The following DYSF variants were observed in gnomAD, a reference collection of about 807,000 sequenced individuals.
DYSF encodes dysferlin.
In DYSF, 212 loss-of-function variants were observed where a neutral mutation model predicts 274.9. The ratio of observed to expected loss-of-function variants is 0.77; its 90% confidence interval spans 0.69 to 0.86. The LOEUF is 0.86. Ranked by LOEUF, DYSF falls within the 40% of genes least tolerant of loss-of-function variation. The pLI, the probability that DYSF is intolerant of heterozygous loss-of-function variation, is 0.00. For missense variants in DYSF, 2,666 were observed against 2,783.2 expected (o/e 0.96, Z 0.95); for synonymous variants, 1,091 against 1,078.7 (o/e 1.01, Z -0.22).
chr2:71,584,885 C>T (rs2093014328), intron 30 of DYSF, among the ~76,000 whole-genome samples: 1 of 152,190 alleles, frequency 6.6e-6, no homozygotes, highest in African/African-American at 2.4e-5. Context: ...GACGACATCC[C>T]TGCATAAAGG....
intron 24 of DYSF, among the ~76,000 whole-genome samples, chr2:71,565,677 T>C (rs1175520671): frequency 6.6e-6 from 1 of 152,224 alleles, no homozygotes; most frequent in East Asian, 1.9e-4. Flanking sequence ...CAGGTTTCAG[T>C]AGCACAGAGG....
At position 71,681,177 on chromosome 2, in the gene DYSF, A is replaced by G. The variant is rs146292862; in HGVS notation, c.6173+67A>G. 435 of 1,438,800 alleles carry G rather than the reference A, an allele frequency of 3.0e-4. 1 individual carries two copies. In the African/African-American group the frequency reaches 4.8e-3, roughly 16 times the overall value. 89.1% of individuals were successfully genotyped at this position (1,438,800 alleles called of 1,614,324 possible). Reference sequence around the variant, plus strand: ...GGGTATAGGCCACAGTCCAGGAGGCATCCCATTGCATGGCCATGTAGAAGT... The same window carrying G: ...GGGTATAGGCCACAGTCCAGGAGGCGTCCCATTGCATGGCCATGTAGAAGT... On this transcript the variant is annotated intron_variant, in intron 54 of 55. Coordinates refer to ENST00000410020, the MANE Select transcript of DYSF (RefSeq NM_001130987.2).
intron 35 of DYSF, 22 bp from the exon 36 acceptor site, chr2:71,602,754 A>G (rs770757705): frequency 1.9e-6 from 3 of 1,612,222 alleles, no homozygotes; most frequent in African/African-American, 2.7e-5. Flanking sequence ...TGGATGTGCC[A>G]CATCCCATGG....
Position 71,454,096 on chromosome 2 carries a change from G to T in DYSF, c.88+10G>T. On this transcript the variant is annotated intron_variant, in intron 1 of 54. Coordinates refer to the DYSF transcript ENST00000258104. ...TCCGCGGTGTTTGCAGGTAGGAGGG[G>T]CCGACCACCCTCGCCCGGGGTCGGG... The T allele has an allele frequency of 1.2e-6, 2 of 1,613,102 alleles. No individual in the cohort carries two copies. The highest frequency in any genetic ancestry group is 1.7e-6 in the Non-Finnish European group (2 of 1,179,536).
At chr2:71,570,390 C>T (rs1454671405) in intron 28 of DYSF, 56 bp downstream of exon 28, 17 of 1,566,742 alleles carry the variant, frequency 1.1e-5, no homozygotes, top group Non-Finnish European at 1.4e-5. Flanking sequence ...TCAAGCCATG[C>T]TGGTGGGGAC....
chr2:71,494,190 A>G (rs1303290105), intron 3 of DYSF, among the ~76,000 whole-genome samples: 1 of 151,970 alleles, frequency 6.6e-6, no homozygotes, highest in African/African-American at 2.4e-5. Context: ...TAGCGACTCC[A>G]TTTTTATTCT....
upstream of DYSF, among the ~76,000 whole-genome samples, chr2:71,464,397 G>A (rs1170286864): frequency 6.6e-6 from 1 of 152,218 alleles, no homozygotes; most frequent in Non-Finnish European, 1.5e-5. Flanking sequence ...ACAGTGATTG[G>A]TGCTAGAGAA....
At chr2:71,640,342 A>G (rs1429084266) in intron 41 of DYSF, among the ~76,000 whole-genome samples, 1 of 152,226 alleles carries the variant, frequency 6.6e-6, no homozygotes, top group African/African-American at 2.4e-5. Context: ...AGAATAAATG[A>G]AAAATTCTAA....
At chr2:71,483,956 T>A (rs759813475) in intron 3 of DYSF, among the ~76,000 whole-genome samples, 61 of 151,840 alleles carry the variant, frequency 4.0e-4, no homozygotes, top group Non-Finnish European at 6.8e-4. Flanking sequence ...GGCAGGACAG[T>A]CTGGTTACTG....
intron 14 of DYSF, among the ~76,000 whole-genome samples, chr2:71,530,837 C>T: frequency 6.6e-6 from 1 of 152,086 alleles, no homozygotes; most frequent in East Asian, 1.9e-4. Flanking sequence ...CTCTTTACAC[C>T]CTAAGCTGAA....
intron 1 of DYSF, among the ~76,000 whole-genome samples, chr2:71,473,214 T>G (rs2082160082): frequency 6.6e-6 from 1 of 152,206 alleles, no homozygotes; most frequent in Admixed American, 6.5e-5. Context: ...CTACCTCTGC[T>G]TTTTGTTTGG....
intron 23 of DYSF, among the ~76,000 whole-genome samples, chr2:71,562,486 C>T (rs576081938): frequency 6.6e-6 from 1 of 152,154 alleles, no homozygotes; most frequent in Non-Finnish European, 1.5e-5. Context: ...GAACTATTTC[C>T]CCACCTGCAG....
intron 42 of DYSF, among the ~76,000 whole-genome samples, 199 bp from the exon 43 acceptor site, chr2:71,655,963 A>G (rs1440102014): frequency 1.3e-5 from 2 of 150,884 alleles, no homozygotes; most frequent in Non-Finnish European, 3.0e-5. Flanking sequence ...CATCTCTCCA[A>G]CCCTGCCCTC....
At chr2:71,555,676 C>G (rs112067868) in intron 21 of DYSF, among the ~76,000 whole-genome samples, 1 of 152,216 alleles carries the variant, frequency 6.6e-6, no homozygotes, top group African/African-American at 2.4e-5. Flanking sequence ...AGGGAGGAGT[C>G]AGAAGCCATC....
At chr2:71,668,908 C>T (rs1055322537) in intron 49 of DYSF, 66 bp downstream of exon 49, 80 of 1,510,596 alleles carry the variant, frequency 5.3e-5, no homozygotes, top group South Asian at 1.8e-4. Context: ...CTGCTGTGGG[C>T]GGGACTAGGC....
intron 36 of DYSF, among the ~76,000 whole-genome samples, chr2:71,606,875 G>A (rs1170924190): frequency 6.6e-6 from 1 of 152,156 alleles, no homozygotes; most frequent in Non-Finnish European, 1.5e-5. Context: ...GAGCAGGCAC[G>A]GGTGCTAGGA....
At chr2:71,464,859 G>A (rs1168496441), upstream of DYSF, among the ~76,000 whole-genome samples, 1 of 152,182 alleles carries the variant, frequency 6.6e-6, no homozygotes, top group Non-Finnish European at 1.5e-5. Context: ...AGGGATGACA[G>A]GCTTCCACTG....
At chr2:71,649,256 T>C (rs1319334879) in intron 42 of DYSF, among the ~76,000 whole-genome samples, 1 of 151,538 alleles carries the variant, frequency 6.6e-6, no homozygotes, top group Non-Finnish European at 1.5e-5. Flanking sequence ...ACTGAAAATG[T>C]AGAGATGGTA....
intron 17 of DYSF, among the ~76,000 whole-genome samples, chr2:71,546,695 T>A (rs2090504239): frequency 6.6e-6 from 1 of 152,236 alleles, no homozygotes; most frequent in South Asian, 2.1e-4. Context: ...TGTATCCTAG[T>A]GTTTTCCATA....
Sources: allele counts gnomAD v4.1 joint callset (sites outside exome capture counted in the v4.1 genomes callset), GRCh38; gene constraint gnomAD v4.1.1; transcripts MANE v1.5; gene names NCBI Gene and HGNC (gene_info 2026-07-23, HGNC 2026-07-21).